GRIN1: variants seen among roughly 807,000 people sequenced by gnomAD.
GRIN1 encodes glutamate ionotropic receptor NMDA type subunit 1.
Under a neutral mutation model 103.0 loss-of-function variants are expected in GRIN1, and 38 were observed. The ratio of observed to expected loss-of-function variants is 0.37; its 90% CI spans 0.28 to 0.48. The LOEUF is 0.48. Among genes scored for constraint, GRIN1 ranks in the 20% least tolerant of loss-of-function variants. GRIN1 has a pLI of 0.98. For synonymous variants in GRIN1, 544 were observed against 532.7 expected (o/e 1.02, Z -0.29); for missense variants, 577 against 1,288.9 (o/e 0.45, Z 8.46).
Position 137,163,760 on chromosome 9 carries a change from G to A in GRIN1, c.2445G>A (p.Gly815=), listed in dbSNP as rs367543117. The change falls in exon 18 of 20, where the codon GGG becomes GGA. Residue 815 remains glycine, a splice_region_variant and synonymous_variant. Transcript: ENST00000371561. The part of the protein sequence containing the change: ...PATLTFENMA[G]VFMLVAGGIV... ...GAGGCTCTGGGTCCCGGCACACAGGGGTCTTCATGCTGGTAGCTGGGGGCA... is the reference window on the plus strand; with the variant it reads ...GAGGCTCTGGGTCCCGGCACACAGGAGTCTTCATGCTGGTAGCTGGGGGCA... The A allele has an allele frequency of 9.3e-6, 15 of 1,613,662 alleles. No individual in the cohort carries two copies. In the African/African-American group the frequency reaches 1.9e-4, roughly 20 times the overall value.
chr9:137,165,375 C>T, intron 19 of GRIN1, 79 bp downstream of exon 19: 3 of 928,630 alleles, frequency 3.2e-6, no homozygotes, highest in East Asian at 2.4e-5. Flanking sequence ...CATCACCCCG[C>T]CCCGGACCCT....
chr9:137,153,667 C>G (rs1833042753), intron 4 of GRIN1, among the ~76,000 whole-genome samples: 1 of 152,132 alleles, frequency 6.6e-6, no homozygotes, highest in Non-Finnish European at 1.5e-5. Flanking sequence ...CATGTACACA[C>G]AGCACACATG....
At chr9:137,165,154 G>A (rs1484634915) in intron 18 of GRIN1, 32 bp from the exon 19 acceptor site, 2 of 1,467,260 alleles carry the variant, frequency 1.4e-6, no homozygotes, top group Non-Finnish European at 1.9e-6. Flanking sequence ...CACCACCCTA[G>A]CCATCTAATC....
Position 137,157,143 on chromosome 9 carries a change from C to A in GRIN1, c.968+106C>A, listed in dbSNP as rs955291678. On this transcript the variant is annotated intron_variant, in intron 6 of 19. Coordinates refer to ENST00000371561, the MANE Select transcript of GRIN1 (RefSeq NM_007327.4). ...TCTTGGGGAGGTGGGCGGGGCCACT[C>A]TCCAGAGCTGGGCGGAGCAGCTCTC... 3.7e-6 allele frequency: 4 copies of A among 1,086,614 alleles called. No individual in the cohort carries two copies. The East Asian group carries it at 7.9e-5, about 22-fold the overall frequency. The allele number at this position is 1,086,614 out of a possible 1,614,324, so 67.3% of individuals were successfully genotyped here.
intron 3 of GRIN1, among the ~76,000 whole-genome samples, chr9:137,148,804 G>A (rs1454330962): frequency 6.6e-6 from 1 of 152,224 alleles, no homozygotes; most frequent in African/African-American, 2.4e-5. Flanking sequence ...GAGCGCGCAG[G>A]CTGAAGACAG....
chr9:137,165,283 C>A lies in GRIN1; in HGVS notation c.2687C>A (p.Ser896Tyr). The change falls in exon 19 of 20, where the codon TCC becomes TAC. Residue 896 changes from serine (S) to tyrosine (Y), a missense_variant. Physicochemically the swap from Ser to Tyr is moderately radical, Grantham distance 144. This residue lies in a region of GRIN1 where 68 missense variants were observed against 113.0 expected (regional missense o/e 0.60). Coordinates refer to ENST00000371561, the MANE Select transcript of GRIN1 (RefSeq NM_007327.4). ...TLASSFKRRR[S>Y]SKDTSTGGGR... is the part of the protein sequence containing the mutation. ...GCTTCCAGCTTCAAGAGGCGTAGGT[C>A]CTCCAAAGACACGGTAAGGGGGAGA... 1 of 1,603,746 alleles carries A rather than the reference C, an allele frequency of 6.2e-7. No homozygotes were observed. Among genetic ancestry groups the A allele is most frequent in the Non-Finnish European group, 8.5e-7 (1 of 1,172,198 alleles).
chr9:137,163,072 G>T (rs1435613137), intron 15 of GRIN1, 69 bp downstream of exon 15: 1 of 1,564,964 alleles, frequency 6.4e-7, no homozygotes. Flanking sequence ...CCTCCACCGG[G>T]CAGGAGAGCG....
rs1276935687 is a variant in GRIN1 at position 137,139,695 on chromosome 9, A to G, written c.209A>G (p.Asn70Ser). The G allele has an allele frequency of 2.5e-6, 4 of 1,613,722 alleles. No individual in the cohort carries two copies. The highest frequency in any genetic ancestry group is 1.1e-5 in the South Asian group (1 of 91,078). The change falls in exon 1 of 20, where the codon AAC (asparagine) becomes AGC (serine). Residue 70 changes from asparagine to serine, a missense_variant. Physicochemically the swap from Asn to Ser is conservative, Grantham distance 46. Transcript: ENST00000371561. This position sits in a 1 kb window ranked among gnomAD's most constrained non-coding sequence, Gnocchi z 7.7. ...GCCACCTCCGTCACGCACAAGCCCA[A>G]CGCCATCCAGATGGCTCTGTCGGTG... ...LNATSVTHKP[N>S]AIQMALSVCE...
intron 2 of GRIN1, among the ~76,000 whole-genome samples, chr9:137,143,013 C>T (rs1474250407): frequency 6.6e-6 from 1 of 152,254 alleles, no homozygotes; most frequent in Admixed American, 6.5e-5. Flanking sequence ...GGTCACACAG[C>T]CCTCCGTCTA....
chr9:137,163,338 T>G lies in GRIN1; in HGVS notation c.2333+8T>G, dbSNP rs1330564554. The G allele has an allele frequency of 6.2e-7, 1 of 1,613,078 alleles. No individual in the cohort carries two copies. Among genetic ancestry groups the G allele is most frequent in the Non-Finnish European group, 8.5e-7 (1 of 1,179,870 alleles). ...CTCCCTGTCCATCCTCAAGTGAGTGTCCGTGCGCCCGCGTCCCTCCTCCGC... is the reference window on the plus strand; with the variant it reads ...CTCCCTGTCCATCCTCAAGTGAGTGGCCGTGCGCCCGCGTCCCTCCTCCGC... On this transcript the variant is annotated splice_region_variant and intron_variant, in intron 16 of 19. Coordinates refer to ENST00000371561, the MANE Select transcript of GRIN1 (RefSeq NM_007327.4).
rs755924944 is a variant in GRIN1 at position 137,156,871 on chromosome 9, G to C, written c.802G>C (p.Gly268Arg). ...GTCGCATGCTCGCCTAGGCATCCTCGGGCTGCAGCTCATCAACGGCAAGAA... is the reference window on the plus strand; with the variant it reads ...GTCGCATGCTCGCCTAGGCATCCTCCGGCTGCAGCTCATCAACGGCAAGAA... Reference protein sequence around the residue: ...ALRYAPDGILGLQLINGKNES... With the variant: ...ALRYAPDGILRLQLINGKNES... Residue 268 changes from glycine (G) to arginine (R), a missense_variant, in exon 6 of 20, where the codon GGG (glycine) becomes CGG (arginine). By Grantham distance (125) the Gly-to-Arg change is moderately radical (BLOSUM62 -2). Coordinates refer to ENST00000371561, the MANE Select transcript of GRIN1 (RefSeq NM_007327.4). 1.2e-6 allele frequency: 2 copies of C among 1,611,512 alleles called. No individual in the cohort carries two copies. Among genetic ancestry groups the C allele is most frequent in the South Asian group, 1.1e-5 (1 of 90,904 alleles).
At chr9:137,154,395 G>A (rs2131262311) in intron 4 of GRIN1, among the ~76,000 whole-genome samples, 1 of 145,390 alleles carries the variant, frequency 6.9e-6, no homozygotes, top group African/African-American at 2.5e-5. Flanking sequence ...AAAGGGCTGG[G>A]ATGACAGGCA....
Position 137,168,041 on chromosome 9 carries a change from G to A in GRIN1, c.*514G>A. 2 of 633,752 alleles carry A rather than the reference G, an allele frequency of 3.2e-6. No individual in the cohort carries two copies. The highest frequency in any genetic ancestry group is 2.8e-5 in the East Asian group (1 of 36,342). 39.3% of individuals were successfully genotyped at this position (633,752 alleles called of 1,614,324 possible). On this transcript the variant is annotated 3_prime_UTR_variant, in exon 20 of 20. Coordinates refer to ENST00000371561, the MANE Select transcript of GRIN1 (RefSeq NM_007327.4). Reference sequence around the variant, plus strand: ...TGCGGACCGGAGCGGCTGAGGACGGGGCAGAGCTGAGTCGGCTGGGCAGGG... The same window carrying A: ...TGCGGACCGGAGCGGCTGAGGACGGAGCAGAGCTGAGTCGGCTGGGCAGGG...
chr9:137,162,141 C>T, intron 11 of GRIN1, 31 bp from the exon 12 acceptor site: 4 of 1,541,086 alleles, frequency 2.6e-6, no homozygotes, highest in Non-Finnish European at 3.5e-6. Context: ...CTGGAGGGCC[C>T]GGGCCGCGCT....
In GRIN1 at chr9:137,167,929, C is replaced by A; in HGVS notation, c.*402C>A. The A allele has an allele frequency of 2.4e-6, 3 of 1,250,320 alleles. No individual in the cohort carries two copies. Among genetic ancestry groups the A allele is most frequent in the Non-Finnish European group, 3.4e-6 (3 of 875,692 alleles). 77.5% of individuals were successfully genotyped at this position (1,250,320 alleles called of 1,614,324 possible). ...CTCGGGAAGGCCTGAGGGAAGCCCACCCGCCCCAGAGACTGCCCACCCTGG... is the reference window on the plus strand; with the variant it reads ...CTCGGGAAGGCCTGAGGGAAGCCCAACCGCCCCAGAGACTGCCCACCCTGG... On this transcript the variant is annotated 3_prime_UTR_variant, in exon 20 of 20. Coordinates refer to ENST00000371561, the MANE Select transcript of GRIN1 (RefSeq NM_007327.4).
chr9:137,161,769 C>T (rs1462263807), intron 10 of GRIN1, among the ~76,000 whole-genome samples, 155 bp from the exon 11 acceptor site: 1 of 148,646 alleles, frequency 6.7e-6, no homozygotes, highest in Admixed American at 6.6e-5. Flanking sequence ...GGTCTGCGAG[C>T]CAGGGCGGGG....
At chr9:137,158,574 CCAAGA>C in intron 7 of GRIN1, 42 bp from the exon 8 acceptor site, 1 of 1,607,918 alleles carries the variant, frequency 6.2e-7, no homozygotes, top group Non-Finnish European at 8.5e-7. Flanking sequence ...GGTCCTGGGG[CCAAGA>C]CCCCTGCGTG....
Position 137,158,252 on chromosome 9 carries a change from C to G in GRIN1, c.969-127C>G, listed in dbSNP as rs571653274. On this transcript the variant is annotated intron_variant, in intron 6 of 19. Coordinates refer to ENST00000371561, the MANE Select transcript of GRIN1 (RefSeq NM_007327.4). ...CAAGGGAAAAGCCCAAGCTGCTCAG[C>G]CGGCAGGAGAAGGAGCAGGGAGAAG... The G allele has an allele frequency of 9.4e-5, 100 of 1,064,534 alleles. No individual in the cohort carries two copies. In the African/African-American group the frequency reaches 1.4e-3, roughly 15 times the overall value. 65.9% of individuals were successfully genotyped at this position (1,064,534 alleles called of 1,614,324 possible). A position where few individuals can be genotyped will look rare whatever the true frequency, so the allele number is the denominator to read the frequency against.
chr9:137,146,046 C>G lies in GRIN1; in HGVS notation c.570+144C>G, dbSNP rs1259702525. 4.6e-6 allele frequency: 3 copies of G among 646,392 alleles called. No individual in the cohort carries two copies. The highest frequency in any genetic ancestry group is 8.2e-6 in the Non-Finnish European group (3 of 368,012). 40.0% of individuals were successfully genotyped at this position (646,392 alleles called of 1,614,324 possible). A position where few individuals can be genotyped will look rare whatever the true frequency, so the allele number is the denominator to read the frequency against. On this transcript the variant is annotated intron_variant, in intron 3 of 19. Coordinates refer to ENST00000371561, the MANE Select transcript of GRIN1 (RefSeq NM_007327.4). This position sits in a 1 kb window ranked among gnomAD's most constrained non-coding sequence, Gnocchi z 6.7. ...CACGTCTGGCGAGCGCCCGCCCCAG[C>G]CTGTCCTCGGCTCATTTCACTCGCT...
Sources: gnomAD v4.1 joint callset for allele counts (sites outside exome capture counted in the v4.1 genomes callset) on GRCh38, gnomAD v4.1.1 for gene constraint, gnomAD v4.1.1 regional missense constraint, Gnocchi (gnomAD v3.1) non-coding constraint, MANE v1.5 for transcripts, NCBI Gene and HGNC (gene_info 2026-07-23, HGNC 2026-07-21) for gene names.